The following SLC22A12 variants were observed in gnomAD, a reference collection of about 807,000 sequenced individuals.
SLC22A12 encodes the protein solute carrier family 22 member 12, also known as organic anion transporter 4-like protein.
SLC22A12 carries 56 observed loss-of-function variants against 52.7 expected under a neutral mutation model. That is an observed-to-expected ratio of 1.06 (90% CI 0.86 to 1.33). SLC22A12 has a LOEUF of 1.33. Ranked by LOEUF, SLC22A12 falls within the 40% of genes most tolerant of loss-of-function variation. The pLI is 0.00. For synonymous variants in SLC22A12, 337 were observed against 324.6 expected, an observed-to-expected ratio of 1.04 and a Z score of -0.41; for missense variants, 683 against 741.5, an observed-to-expected ratio of 0.92 and a Z score of 0.92.
At position 64,593,523 on chromosome 11, in the gene SLC22A12, G is replaced by A; in HGVS notation, c.625G>A (p.Ala209Thr). ...YCLFRFLLAFAVAGVMMNTGT... is the reference protein window; with the variant it reads ...YCLFRFLLAFTVAGVMMNTGT... ...CCTGTTCCGCTTCCTGTTGGCCTTT[G>A]CCGTGGCAGGCGTCATGATGAACAC... The change falls in exon 3 of 10, where the codon GCC becomes ACC. Residue 209 changes from alanine to threonine, a missense_variant. By Grantham distance (58) the Ala-to-Thr change is moderately conservative. Coordinates refer to ENST00000377574, the MANE Select transcript of SLC22A12 (RefSeq NM_144585.4). 6.2e-7 allele frequency: 1 copy of A among 1,614,192 alleles called. No individual in the cohort carries two copies. The highest frequency in any genetic ancestry group is 8.5e-7 in the Non-Finnish European group (1 of 1,180,052).
chr11:64,597,122 G>A (rs762244221), intron 4 of SLC22A12, among the ~76,000 whole-genome samples: 2 of 152,104 alleles, frequency 1.3e-5, no homozygotes, highest in African/African-American at 2.4e-5. Context: ...ATGGGACCCC[G>A]CTTTCTCCCT....
intron 8 of SLC22A12, 123 bp from the exon 9 acceptor site, chr11:64,600,612 G>C: frequency 6.9e-7 from 1 of 1,458,786 alleles, no homozygotes; most frequent in South Asian, 1.2e-5. Context: ...GGGCTGCTCA[G>C]GTGCATCCCA....
At chr11:64,595,609 G>GAA (rs2039148102) in intron 4 of SLC22A12, among the ~76,000 whole-genome samples, 6 of 146,342 alleles carry the variant, frequency 4.1e-5, no homozygotes, top group African/African-American at 1.5e-4. Context: ...TGGATGGATG[G>GAA]TTGAATGGAT....
At chr11:64,597,249 C>T (rs1021073156) in intron 4 of SLC22A12, among the ~76,000 whole-genome samples, 6 of 152,074 alleles carry the variant, frequency 3.9e-5, no homozygotes, top group Non-Finnish European at 7.4e-5. Flanking sequence ...TGCTATGTGG[C>T]GGGCACAGTC....
At position 64,591,760 on chromosome 11, in the gene SLC22A12, T is replaced by C; in HGVS notation, c.204T>C (p.Ser68=). The change falls in exon 1 of 10, where the codon AGT becomes AGC. Residue 68 remains serine (S), a synonymous_variant. Transcript: ENST00000377574. ...AGGCCAGCATCCTAGGGAGCTTGAG[T>C]CCTGAGGCCCTCCTGGCTATTTCCA... ...TAQASILGSL[S]PEALLAISIP... 1 of 1,612,744 alleles carries C rather than the reference T, an allele frequency of 6.2e-7. No homozygotes were observed. The highest frequency in any genetic ancestry group is 1.1e-5 in the South Asian group (1 of 91,068).
intron 6 of SLC22A12, 47 bp downstream of exon 6, chr11:64,598,970 CG>C (rs1215649438): frequency 2.5e-6 from 4 of 1,601,186 alleles, no homozygotes; most frequent in Non-Finnish European, 3.4e-6. Flanking sequence ...AACCTGGAAT[CG>C]GGGCTCTCGC....
chr11:64,599,684 T>C lies in SLC22A12; in HGVS notation c.1079T>C (p.Phe360Ser), dbSNP rs1219538886. ...TCISTLCWFA[F>S]GFTFFGLALD... ...CCTGACCCCTGCCCCAGGTTCGCCTTTGGCTTCACCTTCTTCGGCCTGGCC... is the reference window on the plus strand; with the variant it reads ...CCTGACCCCTGCCCCAGGTTCGCCTCTGGCTTCACCTTCTTCGGCCTGGCC... The change falls in exon 7 of 10, where the codon TTT (phenylalanine) becomes TCT (serine). Residue 360 changes from phenylalanine (F) to serine (S), a missense_variant. By Grantham distance (155) the Phe-to-Ser change is radical. Transcript: ENST00000377574. 4 of 1,418,354 alleles carry C rather than the reference T, an allele frequency of 2.8e-6. No individual in the cohort carries two copies. Among genetic ancestry groups the C allele is most frequent in the Non-Finnish European group, 9.5e-7 (1 of 1,057,750 alleles). The allele number at this position is 1,418,354 out of a possible 1,614,324, so 87.9% of individuals were successfully genotyped here.
At position 64,591,371 on chromosome 11, in the gene SLC22A12, G is replaced by A. The variant is rs2038911232; in HGVS notation, c.-186G>A. On this transcript the variant is annotated 5_prime_UTR_variant, in exon 1 of 10. The change abolishes the stop of an existing upstream ORF in the 5' untranslated region. Coordinates refer to ENST00000377574, the MANE Select transcript of SLC22A12 (RefSeq NM_144585.4). ...GGGCCCAGTTGGAGCCACCCCAAGT[G>A]ACACCAGCAGGCAGATGACCAGAGA... is the stretch of plus-strand genomic sequence containing the variant. 1 of 755,256 alleles carries A rather than the reference G, an allele frequency of 1.3e-6. No individual in the cohort carries two copies. Among genetic ancestry groups the A allele is most frequent in the Non-Finnish European group, 2.1e-6 (1 of 476,458 alleles). 46.8% of individuals were successfully genotyped at this position (755,256 alleles called of 1,614,324 possible). A position where few individuals can be genotyped will look rare whatever the true frequency, so the allele number is the denominator to read the frequency against.
chr11:64,599,609 T>TCCCCCCCCTCCCCCCCCCCCCCCCC, intron 6 of SLC22A12, 67 bp from the exon 7 acceptor site: 1 of 221,474 alleles, frequency 4.5e-6, no homozygotes. Context: ...CGCCCATTGT[T>TCCCCCCCCTCCCCCCCCCCCCCCCC]CCCACCCTGC....
chr11:64,599,868 G>T lies in SLC22A12; in HGVS notation c.1263G>T (p.Leu421=), dbSNP rs1317818340. Residue 421 remains leucine (L), a synonymous_variant, in exon 7 of 10, where the codon CTG becomes CTT. Transcript: ENST00000377574. ...ASLLLAGLCI[L]ANTLVPHEMG... ...TGTTGCTGGCAGGGCTCTGCATTCTGGCCAACACGCTGGTGCCCCACGGTG... is the reference window on the plus strand; with the variant it reads ...TGTTGCTGGCAGGGCTCTGCATTCTTGCCAACACGCTGGTGCCCCACGGTG... 1 of 1,612,542 alleles carries T rather than the reference G, an allele frequency of 6.2e-7. No homozygotes were observed. Among genetic ancestry groups the T allele is most frequent in the Non-Finnish European group, 8.5e-7 (1 of 1,179,698 alleles).
In SLC22A12 at chr11:64,600,705, A is replaced by C. The variant is rs756446257; in HGVS notation, c.1395-30A>C. 3.1e-6 allele frequency: 5 copies of C among 1,602,258 alleles called. No homozygotes were observed. In the African/African-American group the frequency reaches 5.3e-5, roughly 17 times the overall value. ...GATCAAGGCTGTGGGCACACAGACCAGGCGCTTATAGGTGCATCTGCATTG... is the reference window on the plus strand; with the variant it reads ...GATCAAGGCTGTGGGCACACAGACCCGGCGCTTATAGGTGCATCTGCATTG... On this transcript the variant is annotated intron_variant, in intron 8 of 9. Transcript: ENST00000377574.
At chr11:64,593,074 C>T (rs1305773319) in intron 2 of SLC22A12, among the ~76,000 whole-genome samples, 192 bp downstream of exon 2, 2 of 152,364 alleles carry the variant, frequency 1.3e-5, no homozygotes, top group East Asian at 1.9e-4. Context: ...CTCTGAACCT[C>T]GAGTTCACCA....
In SLC22A12 at chr11:64,599,894, A is replaced by G. The variant is rs1283068619; in HGVS notation, c.1285+4A>G. On this transcript the variant is annotated splice_donor_region_variant and intron_variant, in intron 7 of 9. Transcript: ENST00000377574. Reference sequence around the variant, plus strand: ...GCCAACACGCTGGTGCCCCACGGTGAGGGGGCAAAGCTGTACACCAGAGAC... The same window carrying G: ...GCCAACACGCTGGTGCCCCACGGTGGGGGGGCAAAGCTGTACACCAGAGAC... The G allele has an allele frequency of 6.2e-7, 1 of 1,611,620 alleles. No homozygotes were observed. Among genetic ancestry groups the G allele is most frequent in the East Asian group, 2.2e-5 (1 of 44,826 alleles).
Position 64,594,489 on chromosome 11 carries a change from GGT to G in SLC22A12, c.830+687_830+688del, listed in dbSNP as rs1259132017. 0.025 allele frequency among the ~76,000 whole-genome samples: 11 copies of G among 434 alleles called. No homozygotes were observed. In the East Asian group the frequency reaches 0.4, roughly 16 times the overall value. The allele number at this position is 434 out of a possible 152,430, so 0.3% of individuals were successfully genotyped here. ...TTAGGTAAGTAGAAATAGATAGATA[GGT>G]AGGTAGGTAGGTAGGTAGGTAGGTA... is the stretch of plus-strand genomic sequence containing the variant. On this transcript the variant is annotated intron_variant, in intron 4 of 9. Transcript: ENST00000377574.
At chr11:64,597,415 A>G (rs2039282336) in intron 4 of SLC22A12, among the ~76,000 whole-genome samples, 1 of 151,944 alleles carries the variant, frequency 6.6e-6, no homozygotes, top group Non-Finnish European at 1.5e-5. Flanking sequence ...TAGGTGTCTC[A>G]TCCCCACACA....
intron 4 of SLC22A12, among the ~76,000 whole-genome samples, chr11:64,594,046 T>G (rs887886310): frequency 6.6e-6 from 1 of 152,210 alleles, no homozygotes; most frequent in Non-Finnish European, 1.5e-5. Context: ...CTCCTACTTA[T>G]TCTTCTCTTT....
chr11:64,595,427 G>A (rs2039131616), intron 4 of SLC22A12, among the ~76,000 whole-genome samples: 1 of 134,866 alleles, frequency 7.4e-6, no homozygotes, highest in African/African-American at 2.7e-5. Context: ...GTTTGGAATA[G>A]ATGGATGGAT....
At position 64,598,894 on chromosome 11, in the gene SLC22A12, C is replaced by T; in HGVS notation, c.1041C>T (p.Arg347=). Residue 347 remains arginine (R), a synonymous_variant, in exon 6 of 10, where the codon CGC becomes CGT. Coordinates refer to ENST00000377574, the MANE Select transcript of SLC22A12 (RefSeq NM_144585.4). Reference sequence around the variant, plus strand: ...CCCTGCTCCGCATGCCCGGACTGCGCTTCCGGACCTGTATCTCCACGTTGT... The same window carrying T: ...CCCTGCTCCGCATGCCCGGACTGCGTTTCCGGACCTGTATCTCCACGTTGT... The part of the protein sequence containing the change: ...LGTLLRMPGL[R]FRTCISTLCW... 6.2e-7 allele frequency: 1 copy of T among 1,612,954 alleles called. No homozygotes were observed. Among genetic ancestry groups the T allele is most frequent in the Non-Finnish European group, 8.5e-7 (1 of 1,179,986 alleles).
chr11:64,597,909 C>T (rs963728575), intron 4 of SLC22A12, among the ~76,000 whole-genome samples: 1 of 152,088 alleles, frequency 6.6e-6, no homozygotes, highest in Admixed American at 6.5e-5. Flanking sequence ...GACTCAGGTG[C>T]GAGGGGTCCT....
Sources: allele counts gnomAD v4.1 joint callset (sites outside exome capture counted in the v4.1 genomes callset), GRCh38; gene constraint gnomAD v4.1.1; transcripts MANE v1.5; gene names NCBI Gene and HGNC (gene_info 2026-07-23, HGNC 2026-07-21).